Variants in ADAMTS17 observed in about 807,000 individuals in gnomAD.
ADAMTS17 encodes A disintegrin and metalloproteinase with thrombospondin motifs 17.
ADAMTS17 carries 113 observed loss-of-function variants against 141.5 expected under a neutral mutation model. That is an observed-to-expected ratio of 0.80 (90% CI 0.69 to 0.93). The LOEUF (loss-of-function observed/expected upper bound fraction) is 0.93. ADAMTS17 is among the 40% of genes least tolerant of loss of function. The pLI, the probability that ADAMTS17 is intolerant of heterozygous loss-of-function variation, is 0.00. For synonymous variants in ADAMTS17, 768 were observed against 630.6 expected (o/e 1.22, Z -3.27); for missense variants, 1,659 against 1,517.9 (o/e 1.09, Z -1.54).
chr15:100,089,664 G>A (rs1406455801), intron 15 of ADAMTS17, among the ~76,000 whole-genome samples: 2 of 151,918 alleles, frequency 1.3e-5, no homozygotes, highest in Non-Finnish European at 1.5e-5. Context: ...AAAAAATGAT[G>A]AGTTCATGTC....
intron 18 of ADAMTS17, among the ~76,000 whole-genome samples, chr15:100,025,475 G>C (rs2061494020): frequency 1.3e-5 from 2 of 149,102 alleles, no homozygotes; most frequent in South Asian, 4.2e-4. Context: ...GAAGTGGCGT[G>C]ATCTCGGCTC....
At chr15:100,033,879 A>C (rs1033783260) in intron 18 of ADAMTS17, among the ~76,000 whole-genome samples, 3 of 152,204 alleles carry the variant, frequency 2.0e-5, no homozygotes, top group African/African-American at 7.2e-5. Flanking sequence ...TGTGCTCTAG[A>C]AGCCAGTGGT....
At chr15:100,217,370 G>A (rs1321954097) in intron 7 of ADAMTS17, among the ~76,000 whole-genome samples, 1 of 152,152 alleles carries the variant, frequency 6.6e-6, no homozygotes, top group Non-Finnish European at 1.5e-5. Flanking sequence ...GACAAGGCAG[G>A]CGGACCACCT....
At chr15:100,002,804 C>G (rs1351524648) in intron 18 of ADAMTS17, among the ~76,000 whole-genome samples, 1 of 152,004 alleles carries the variant, frequency 6.6e-6, no homozygotes, top group Non-Finnish European at 1.5e-5. Flanking sequence ...CTTCTTGTGC[C>G]AGAATGGAAC....
chr15:100,143,013 A>G (rs1189308328), intron 10 of ADAMTS17, among the ~76,000 whole-genome samples: 1 of 152,242 alleles, frequency 6.6e-6, no homozygotes, highest in Non-Finnish European at 1.5e-5. Flanking sequence ...TGTGGCAGCC[A>G]TGCCTGGGCT....
chr15:100,238,765 A>G (rs1198802931), intron 7 of ADAMTS17, among the ~76,000 whole-genome samples: 1 of 152,160 alleles, frequency 6.6e-6, no homozygotes, highest in African/African-American at 2.4e-5. Flanking sequence ...CACAGGAATA[A>G]TGACGCCTCA....
At chr15:100,223,417 C>G (rs997081541) in intron 7 of ADAMTS17, among the ~76,000 whole-genome samples, 6 of 152,062 alleles carry the variant, frequency 3.9e-5, no homozygotes, top group Non-Finnish European at 8.8e-5. Flanking sequence ...AACTAGTTTG[C>G]TACTTCTGCA....
chr15:100,259,772 C>T (rs867355164), intron 6 of ADAMTS17, among the ~76,000 whole-genome samples: 3 of 152,222 alleles, frequency 2.0e-5, no homozygotes, highest in Admixed American at 6.5e-5. Flanking sequence ...TGGCAATCGA[C>T]GAACCATCCA....
At chr15:100,247,500 A>AG (rs1174336717) in intron 7 of ADAMTS17, among the ~76,000 whole-genome samples, 2 of 152,152 alleles carry the variant, frequency 1.3e-5, no homozygotes, top group African/African-American at 2.4e-5. Context: ...AATTCCCCAG[A>AG]GGGCTCTACA....
chr15:100,201,220 C>A (rs764622768), intron 7 of ADAMTS17, among the ~76,000 whole-genome samples: 2 of 152,116 alleles, frequency 1.3e-5, no homozygotes, highest in African/African-American at 4.8e-5. Flanking sequence ...CAGGGAGGGA[C>A]CGGGTGGGAA....
chr15:100,225,974 C>T (rs1439440015), intron 7 of ADAMTS17, among the ~76,000 whole-genome samples: 1 of 151,510 alleles, frequency 6.6e-6, no homozygotes, highest in Non-Finnish European at 1.5e-5. Flanking sequence ...AGCCTCTGTG[C>T]CATTCAGTCC....
At chr15:100,089,695 A>C (rs1289056943) in intron 15 of ADAMTS17, among the ~76,000 whole-genome samples, 3 of 151,996 alleles carry the variant, frequency 2.0e-5, no homozygotes, top group Non-Finnish European at 4.4e-5. Flanking sequence ...ACATGGATGA[A>C]GCTGGAAACC....
rs941131845 is a variant in ADAMTS17 at position 100,096,246 on chromosome 15, C to T, written c.2137+110G>A. On this transcript the variant is annotated intron_variant, in intron 15 of 21. Transcript: ENST00000268070. ...AAACTGAAGTTCCAGGTCACCTATC[C>T]ACTACCATCTAGCCCTTAAATATGA... The T allele has an allele frequency of 7.7e-6, 12 of 1,558,804 alleles. No individual in the cohort carries two copies. In the Admixed American group the frequency reaches 2.0e-4, roughly 27 times the overall value.
At chr15:100,193,250 CCTT>C (rs1388278071) in intron 8 of ADAMTS17, among the ~76,000 whole-genome samples, 2 of 152,230 alleles carry the variant, frequency 1.3e-5, no homozygotes, top group East Asian at 3.9e-4. Flanking sequence ...GCCATGTCCT[CCTT>C]GAGGTCTCCC....
chr15:100,031,445 G>T (rs763165210), intron 18 of ADAMTS17, among the ~76,000 whole-genome samples: 6 of 152,238 alleles, frequency 3.9e-5, no homozygotes, highest in Non-Finnish European at 8.8e-5. Flanking sequence ...AAGAAGTCAA[G>T]GTGGGCTATG....
chr15:100,167,338 C>G (rs543705080), intron 8 of ADAMTS17, among the ~76,000 whole-genome samples: 1 of 152,128 alleles, frequency 6.6e-6, no homozygotes, highest in African/African-American at 2.4e-5. Context: ...GAGCTGAAAG[C>G]GTGGGCATTC....
chr15:99,978,890 G>A (rs955564428), intron 20 of ADAMTS17: 1 of 152,168 alleles, frequency 6.6e-6, no homozygotes, highest in African/African-American at 2.4e-5. Flanking sequence ...CAGAACCGAG[G>A]GCCTCCGACT....
At chr15:100,069,147 T>C (rs958345194) in intron 15 of ADAMTS17, among the ~76,000 whole-genome samples, 5 of 151,954 alleles carry the variant, frequency 3.3e-5, no homozygotes, top group Non-Finnish European at 7.4e-5. Flanking sequence ...GTATCAGCAA[T>C]GGAAGATGAA....
Position 100,341,170 on chromosome 15 carries a change from A to G in ADAMTS17, c.319T>C (p.Phe107Leu). The change falls in exon 2 of 22, where the codon TTC becomes CTC. Residue 107 changes from phenylalanine (F) to leucine (L), a missense_variant. Physicochemically the swap from Phe to Leu is conservative, Grantham distance 22. Coordinates refer to ENST00000268070, the MANE Select transcript of ADAMTS17 (RefSeq NM_139057.4). Reference protein sequence around the residue: ...RRDLRFLSRGFEVEEAGAARR... With the variant: ...RRDLRFLSRGLEVEEAGAARR... ...GCCGCGCCCGCCTCCTCCACCTCGA[A>G]GCCTCGGGACAGGAAGCGCAGGTCG... 6.8e-7 allele frequency: 1 copy of G among 1,463,428 alleles called. No individual in the cohort carries two copies. Among genetic ancestry groups the G allele is most frequent in the Non-Finnish European group, 9.0e-7 (1 of 1,112,298 alleles). 90.7% of individuals were successfully genotyped at this position (1,463,428 alleles called of 1,614,324 possible).
Sources: allele counts gnomAD v4.1 joint callset (sites outside exome capture counted in the v4.1 genomes callset), GRCh38; gene constraint gnomAD v4.1.1; transcripts MANE v1.5; gene names NCBI Gene and HGNC (gene_info 2026-07-23, HGNC 2026-07-21).